MCTP2: variants seen among roughly 807,000 people sequenced by gnomAD.
MCTP2 encodes the protein multiple C2 and transmembrane domain-containing protein 2.
In MCTP2, 132 loss-of-function variants were observed where a neutral mutation model predicts 111.6. The observed-to-expected ratio is 1.18, with a 90% CI of 1.03 to 1.37. The LOEUF is 1.37. Among genes scored for constraint, MCTP2 ranks in the 40% most tolerant of loss-of-function variants. MCTP2 has a pLI of 0.00. For synonymous variants in MCTP2, 395 were observed against 387.7 expected (o/e 1.02, Z -0.22); for missense variants, 1,183 against 1,067.9 (o/e 1.11, Z -1.50).
At chr15:94,340,149 C>T (rs775441286) in intron 5 of MCTP2, 50 bp from the exon 6 acceptor site, 1 of 1,267,130 alleles carries the variant, frequency 7.9e-7, no homozygotes, top group Admixed American at 1.9e-5. Flanking sequence ...TTGAAAAACT[C>T]AGTTGGTTTA....
chr15:94,422,489 G>T lies in MCTP2; in HGVS notation c.2086-17687G>T, dbSNP rs929706827. Among the ~76,000 whole-genome samples, 8 of 152,266 alleles carry T rather than the reference G, an allele frequency of 5.3e-5. No individual in the cohort carries two copies. The South Asian group carries it at 6.2e-4, about 12-fold the overall frequency. On this transcript the variant is annotated intron_variant, in intron 17 of 22. Transcript: ENST00000357742. ...TAGCATCCCAGGCAAAAGCGATCTT[G>T]CCCTTTCCCAGTGACTGTCAGAGTG...
At chr15:94,374,213 T>A (rs1328659589) in intron 12 of MCTP2, among the ~76,000 whole-genome samples, 1 of 152,162 alleles carries the variant, frequency 6.6e-6, no homozygotes, top group African/African-American at 2.4e-5. Context: ...TCTCATAAAC[T>A]GTAAAAAGAG....
At chr15:94,465,260 T>G (rs980580884) in intron 20 of MCTP2, among the ~76,000 whole-genome samples, 1 of 152,112 alleles carries the variant, frequency 6.6e-6, no homozygotes, top group Non-Finnish European at 1.5e-5. Flanking sequence ...TATACAGTAG[T>G]CCCCTATTAT....
intron 19 of MCTP2, among the ~76,000 whole-genome samples, chr15:94,444,946 T>A (rs2552175): frequency 0.32 from 48,601 of 151,954 alleles, 8,713 homozygotes; most frequent in African/African-American, 0.48. Flanking sequence ...TCCAACAAGA[T>A]GATGAATGGA....
intron 4 of MCTP2, among the ~76,000 whole-genome samples, chr15:94,323,243 G>A (rs1410111072): frequency 1.3e-5 from 2 of 152,162 alleles, no homozygotes; most frequent in Non-Finnish European, 2.9e-5. Context: ...ATGGTGTTGG[G>A]AAAGGGGTAA....
intron 4 of MCTP2, among the ~76,000 whole-genome samples, chr15:94,323,470 T>C (rs2076715668): frequency 6.6e-6 from 1 of 152,190 alleles, no homozygotes; most frequent in Admixed American, 6.5e-5. Flanking sequence ...ATCAGGTAGC[T>C]CTGGAAGTGT....
intron 17 of MCTP2, among the ~76,000 whole-genome samples, chr15:94,416,483 C>T (rs578204654): frequency 6.6e-5 from 10 of 152,192 alleles, no homozygotes; most frequent in African/African-American, 1.9e-4. Flanking sequence ...CCTGCTTCTG[C>T]GTGGACTGTC....
chr15:94,359,955 G>C (rs2078835379), intron 10 of MCTP2, among the ~76,000 whole-genome samples: 1 of 152,142 alleles, frequency 6.6e-6, no homozygotes, highest in Admixed American at 6.5e-5. Context: ...GCATGGGACT[G>C]TCTGGCATGT....
chr15:94,466,153 CTT>C (rs2073267636), intron 20 of MCTP2, among the ~76,000 whole-genome samples: 1 of 152,054 alleles, frequency 6.6e-6, no homozygotes, highest in Non-Finnish European at 1.5e-5. Flanking sequence ...TCAAGCATCT[CTT>C]ACATGATTTT....
In MCTP2 at chr15:94,470,405, G is replaced by A; in HGVS notation, c.2433G>A (p.Leu811=). The A allele has an allele frequency of 6.2e-7, 1 of 1,613,724 alleles. No homozygotes were observed. Among genetic ancestry groups the A allele is most frequent in the Non-Finnish European group, 8.5e-7 (1 of 1,179,658 alleles). Reference sequence around the variant, plus strand: ...TTCTGGCAGCAGCCACCATCATTTTGTATTTCATTCCACTGCGGTACATCA... The same window carrying A: ...TTCTGGCAGCAGCCACCATCATTTTATATTTCATTCCACTGCGGTACATCA... The part of the protein sequence containing the change: ...CLILAAATII[L]YFIPLRYIIL... The change falls in exon 21 of 23, where the codon TTG becomes TTA. Residue 811 remains leucine (L), a synonymous_variant. Coordinates refer to ENST00000357742, the MANE Select transcript of MCTP2 (RefSeq NM_001385001.1).
chr15:94,422,744 C>G (rs1315100781), intron 17 of MCTP2, among the ~76,000 whole-genome samples: 1 of 152,202 alleles, frequency 6.6e-6, no homozygotes, highest in Non-Finnish European at 1.5e-5. Flanking sequence ...CTCTATGAAC[C>G]AGCACTGTTG....
At position 94,355,303 on chromosome 15, in the gene MCTP2, A is replaced by C. The variant is rs562865569; in HGVS notation, c.1006-834A>C. Among the ~76,000 whole-genome samples, 151 of 152,366 alleles carry C rather than the reference A, an allele frequency of 9.9e-4. 1 individual carries two copies. Among genetic ancestry groups the C allele is most frequent in the African/African-American group, 3.3e-3 (138 of 41,580 alleles). On this transcript the variant is annotated intron_variant, in intron 8 of 22. Transcript: ENST00000357742. ...ATAGGTAAAATAAGATTTGCCAGACAGTGAATCTGGTAATTAAGTACATGG... is the reference window on the plus strand; with the variant it reads ...ATAGGTAAAATAAGATTTGCCAGACCGTGAATCTGGTAATTAAGTACATGG...
Position 94,331,381 on chromosome 15 carries a change from G to A in MCTP2, c.638-7909G>A, listed in dbSNP as rs117101950. On this transcript the variant is annotated intron_variant, in intron 4 of 22. Coordinates refer to ENST00000357742, the MANE Select transcript of MCTP2 (RefSeq NM_001385001.1). ...AGCTGCAGATCTACAAAGGGGAAGT[G>A]TAAGGACAGAAAAAGACAAGATGTT... 7.2e-3 allele frequency among the ~76,000 whole-genome samples: 1,096 copies of A among 152,290 alleles called. 8 individuals carry two copies. Among genetic ancestry groups the A allele is most frequent in the Middle Eastern group, 0.014 (4 of 294 alleles).
chr15:94,416,690 A>G (rs1011386351), intron 17 of MCTP2, among the ~76,000 whole-genome samples: 6 of 152,184 alleles, frequency 3.9e-5, no homozygotes, highest in African/African-American at 1.4e-4. Context: ...CTTGCTTTCA[A>G]CTTGCAAAGT....
intron 1 of MCTP2, among the ~76,000 whole-genome samples, chr15:94,288,659 G>A (rs1414056358): frequency 6.6e-6 from 1 of 152,168 alleles, no homozygotes; most frequent in Non-Finnish European, 1.5e-5. Context: ...ATTGGTTTAT[G>A]AAGAAATGTA....
At position 94,316,229 on chromosome 15, in the gene MCTP2, T is replaced by C. The variant is rs538462481; in HGVS notation, c.637+592T>C. On this transcript the variant is annotated intron_variant, in intron 4 of 22. Coordinates refer to ENST00000357742, the MANE Select transcript of MCTP2 (RefSeq NM_001385001.1). ...CCTTTCTTTTAAATACTACGTATTATTTAATGTATAACTATGTGCATTATG... is the reference window on the plus strand; with the variant it reads ...CCTTTCTTTTAAATACTACGTATTACTTAATGTATAACTATGTGCATTATG... Among the ~76,000 whole-genome samples, 179 of 150,882 alleles carry C rather than the reference T, an allele frequency of 1.2e-3. 4 individuals carry two copies. The South Asian group carries it at 0.03, about 26-fold the overall frequency.
chr15:94,249,498 T>G (rs2072252500), intron 1 of MCTP2, among the ~76,000 whole-genome samples: 1 of 151,934 alleles, frequency 6.6e-6, no homozygotes, highest in Non-Finnish European at 1.5e-5. Context: ...CTTTTTTTTT[T>G]TTTTTGAGAC....
At chr15:94,333,775 A>G (rs59609917) in intron 4 of MCTP2, among the ~76,000 whole-genome samples, 4,629 of 152,268 alleles carry the variant, frequency 0.03, 209 homozygotes, top group African/African-American at 0.11. Context: ...GAAATCCTCA[A>G]TGAATACAAC....
At chr15:94,375,943 G>T (rs1378810566) in intron 12 of MCTP2, among the ~76,000 whole-genome samples, 1 of 152,152 alleles carries the variant, frequency 6.6e-6, no homozygotes, top group Non-Finnish European at 1.5e-5. Context: ...CTTCAGGAAA[G>T]TCAGCTTGGG....
Sources: gnomAD v4.1 joint callset for allele counts (sites outside exome capture counted in the v4.1 genomes callset) on GRCh38, gnomAD v4.1.1 for gene constraint, MANE v1.5 for transcripts, NCBI Gene and HGNC (gene_info 2026-07-23, HGNC 2026-07-21) for gene names.